The following ATOSA variants were observed in gnomAD, a reference collection of about 807,000 sequenced individuals.
ATOSA encodes atos homolog protein A.
chr15:52,582,075 A>G, the ATOSA span: 1 of 1,198,542 alleles, frequency 8.3e-7, no homozygotes, highest in Non-Finnish European at 1.1e-6. Flanking sequence ...CTGATTGTTA[A>G]TTTGGTACAC....
At chr15:52,621,536 C>A in the ATOSA span, among the ~76,000 whole-genome samples, 1 of 152,166 alleles carries the variant, frequency 6.6e-6, no homozygotes, top group South Asian at 2.1e-4. Context: ...TTGTAATAAT[C>A]CCCACGTGTC....
At chr15:52,648,111 G>T in the ATOSA span, among the ~76,000 whole-genome samples, 4 of 152,018 alleles carry the variant, frequency 2.6e-5, no homozygotes, top group African/African-American at 9.7e-5. Flanking sequence ...TAACTTTAAA[G>T]GAAAGTTATA....
chr15:52,703,941 G>A, the ATOSA span, among the ~76,000 whole-genome samples: 3,685 of 152,168 alleles, frequency 0.024, 118 homozygotes, highest in African/African-American at 0.07. Context: ...CTCTGAACTA[G>A]TTTGGTGTGA....
the ATOSA span, among the ~76,000 whole-genome samples, chr15:52,676,026 A>G: frequency 6.6e-6 from 1 of 152,214 alleles, no homozygotes; most frequent in East Asian, 1.9e-4. Flanking sequence ...TAAATATATT[A>G]ACAACAAAAA....
chr15:52,617,312 A>C, the ATOSA span, among the ~76,000 whole-genome samples: 1 of 152,224 alleles, frequency 6.6e-6, no homozygotes, highest in Admixed American at 6.5e-5. Context: ...ATGAGCACAC[A>C]GGGAGAAGGC....
At chr15:52,702,731 C>A in the ATOSA span, among the ~76,000 whole-genome samples, 26 of 147,060 alleles carry the variant, frequency 1.8e-4, no homozygotes, top group Non-Finnish European at 1.5e-4. Flanking sequence ...AGGTAACAAA[C>A]CTGTACATGT....
chr15:52,705,987 C>T, the ATOSA span, among the ~76,000 whole-genome samples: 1 of 151,976 alleles, frequency 6.6e-6, no homozygotes, highest in African/African-American at 2.4e-5. Context: ...CTCTGATGTA[C>T]ATTTGGGTCA....
At chr15:52,608,632 G>C in the ATOSA span, 23 of 1,609,532 alleles carry the variant, frequency 1.4e-5, no homozygotes, top group South Asian at 2.0e-4. Flanking sequence ...TCTTCTCTGA[G>C]AATAGTTTTG....
chr15:52,660,736 C>G, the ATOSA span, among the ~76,000 whole-genome samples: 1 of 152,074 alleles, frequency 6.6e-6, no homozygotes, highest in African/African-American at 2.4e-5. Flanking sequence ...ACTGCAACAT[C>G]CGCCTCCCGG....
At chr15:52,645,344 C>T in the ATOSA span, among the ~76,000 whole-genome samples, 5 of 152,244 alleles carry the variant, frequency 3.3e-5, no homozygotes, top group African/African-American at 1.2e-4. Flanking sequence ...GAGGCTGAGG[C>T]GGTAGGATTG....
chr15:52,600,631 T>C, the ATOSA span, among the ~76,000 whole-genome samples: 1 of 152,190 alleles, frequency 6.6e-6, no homozygotes, highest in Admixed American at 6.5e-5. Flanking sequence ...AGGTGGAATT[T>C]AGAACATATC....
chr15:52,612,516 T>C, the ATOSA span, among the ~76,000 whole-genome samples: 1 of 150,586 alleles, frequency 6.6e-6, no homozygotes, highest in Non-Finnish European at 1.5e-5. Flanking sequence ...TTTTTTTTTT[T>C]TTTTTGAGAT....
the ATOSA span, among the ~76,000 whole-genome samples, chr15:52,610,738 C>G: frequency 1.3e-5 from 2 of 152,326 alleles, no homozygotes. Context: ...TTAAGAGACA[C>G]CCTATCTCAT....
the ATOSA span, among the ~76,000 whole-genome samples, chr15:52,583,035 C>G: frequency 1.3e-5 from 2 of 152,128 alleles, no homozygotes; most frequent in Non-Finnish European, 2.9e-5. Context: ...GATTTTACTC[C>G]TGAACTAGCT....
the ATOSA span, among the ~76,000 whole-genome samples, chr15:52,601,723 C>T: frequency 6.6e-6 from 1 of 151,706 alleles, no homozygotes; most frequent in Admixed American, 6.6e-5. Context: ...AAGCAAAACA[C>T]CACCTAGCTC....
chr15:52,662,020 C>G, the ATOSA span, among the ~76,000 whole-genome samples: 1 of 149,432 alleles, frequency 6.7e-6, no homozygotes, highest in Non-Finnish European at 1.5e-5. Flanking sequence ...ATTATCGAAT[C>G]TAATCTCTTA....
At chr15:52,607,697 T>C in the ATOSA span, among the ~76,000 whole-genome samples, 2 of 152,208 alleles carry the variant, frequency 1.3e-5, no homozygotes, top group African/African-American at 4.8e-5. Context: ...TTGCCATTAC[T>C]TTCAATGGCA....
the ATOSA span, among the ~76,000 whole-genome samples, chr15:52,689,848 C>A: frequency 6.6e-6 from 1 of 152,184 alleles, no homozygotes; most frequent in Non-Finnish European, 1.5e-5. Flanking sequence ...GACACAGAAG[C>A]CTCCCTAACA....
the ATOSA span, among the ~76,000 whole-genome samples, chr15:52,668,306 G>A: frequency 6.6e-6 from 1 of 152,134 alleles, no homozygotes; most frequent in African/African-American, 2.4e-5. Context: ...GCCAGACACA[G>A]AAAGACACAT....
Sources: allele counts gnomAD v4.1 joint callset (sites outside exome capture counted in the v4.1 genomes callset), GRCh38; gene constraint gnomAD v4.1.1; transcripts MANE v1.5; gene names NCBI Gene and HGNC (gene_info 2026-07-23, HGNC 2026-07-21).